MAP4: variants seen among roughly 807,000 people sequenced by gnomAD.
MAP4 encodes the protein microtubule associated protein 4.
MAP4 carries 76 observed loss-of-function variants against 170.2 expected under a neutral mutation model. The observed-to-expected ratio is 0.45, with a 90% CI of 0.37 to 0.54. The LOEUF is 0.54. MAP4 is among the 20% of genes least tolerant of loss of function. The pLI, the probability that MAP4 is intolerant of heterozygous loss-of-function variation, is 0.00. For missense variants in MAP4, 2,506 were observed against 2,748.0 expected, an observed-to-expected ratio of 0.91 and a Z score of 1.97; for synonymous variants, 909 against 994.5, an observed-to-expected ratio of 0.91 and a Z score of 1.62.
intron 1 of MAP4, among the ~76,000 whole-genome samples, chr3:48,047,647 A>C (rs2100125283): frequency 6.6e-6 from 1 of 152,210 alleles, no homozygotes; most frequent in Admixed American, 6.5e-5. Context: ...AGGGAAAGAA[A>C]ACCCAACATC....
At chr3:47,863,377 G>A (rs923916878) in intron 17 of MAP4, among the ~76,000 whole-genome samples, 1 of 152,160 alleles carries the variant, frequency 6.6e-6, no homozygotes, top group Non-Finnish European at 1.5e-5. Flanking sequence ...ATGTGGAGGA[G>A]TCTACAATCT....
intron 3 of MAP4, among the ~76,000 whole-genome samples, chr3:47,955,977 C>G (rs1281508867): frequency 1.3e-5 from 2 of 152,134 alleles, no homozygotes; most frequent in Non-Finnish European, 2.9e-5. Context: ...AATCTATGCC[C>G]TCTTTTGCAG....
At chr3:48,025,799 C>T (rs1402015616) in intron 1 of MAP4, among the ~76,000 whole-genome samples, 2 of 151,534 alleles carry the variant, frequency 1.3e-5, no homozygotes, top group Admixed American at 1.3e-4. Flanking sequence ...ACTCAGGAGG[C>T]TGAGGCAGGA....
chr3:48,043,422 G>A (rs1034728052), intron 1 of MAP4, among the ~76,000 whole-genome samples: 1 of 152,124 alleles, frequency 6.6e-6, no homozygotes, highest in African/African-American at 2.4e-5. Flanking sequence ...CTTTAAGTGG[G>A]TGAATGGTAT....
At chr3:47,926,561 G>T (rs1197938660) in intron 4 of MAP4, among the ~76,000 whole-genome samples, 1 of 152,084 alleles carries the variant, frequency 6.6e-6, no homozygotes, top group African/African-American at 2.4e-5. Context: ...CAGGGACAGG[G>T]TCTTGCTGTA....
At chr3:48,083,784 T>C (rs1244830950) in intron 1 of MAP4, among the ~76,000 whole-genome samples, 1 of 151,626 alleles carries the variant, frequency 6.6e-6, no homozygotes, top group Non-Finnish European at 1.5e-5. Flanking sequence ...TGGAGTGCAG[T>C]GGCGTGATCT....
intron 1 of MAP4, among the ~76,000 whole-genome samples, chr3:48,056,472 C>T (rs868024032): frequency 5.9e-4 from 39 of 65,956 alleles, no homozygotes; most frequent in African/African-American, 2.6e-3. Context: ...CCAGCCGCCC[C>T]GTCCGGGAGG....
At chr3:47,871,624 T>C (rs778257909) in intron 13 of MAP4, among the ~76,000 whole-genome samples, 6 of 152,224 alleles carry the variant, frequency 3.9e-5, no homozygotes, top group Non-Finnish European at 8.8e-5. Context: ...TGCTAGGTGC[T>C]GTGGGTTACT....
Position 48,071,247 on chromosome 3 carries a change from G to C in MAP4, c.-20+17526C>G, listed in dbSNP as rs773150684. Among the ~76,000 whole-genome samples, 7 of 151,942 alleles carry C rather than the reference G, an allele frequency of 4.6e-5. No individual in the cohort carries two copies. In the South Asian group the frequency reaches 1.0e-3, roughly 23 times the overall value. Reference sequence around the variant, plus strand: ...AATAAGTAAGCTTGAGTTTACTCAAGAAGAAATCTGAGGGCCAGGCACGGT... The same window carrying C: ...AATAAGTAAGCTTGAGTTTACTCAACAAGAAATCTGAGGGCCAGGCACGGT... On this transcript the variant is annotated intron_variant, in intron 1 of 18. Transcript: ENST00000360240.
chr3:47,889,151 T>A (rs773883412), intron 10 of MAP4, among the ~76,000 whole-genome samples: 11 of 152,198 alleles, frequency 7.2e-5, no homozygotes, highest in Non-Finnish European at 1.3e-4. Flanking sequence ...GGGAAGAGAA[T>A]GGAGTACATG....
intron 5 of MAP4, 46 bp from the exon 6 acceptor site, chr3:47,918,887 T>C (rs761397937): frequency 1.8e-5 from 27 of 1,533,474 alleles, no homozygotes; most frequent in South Asian, 6.9e-5. Context: ...TTAGTAAACA[T>C]TGGAAACAAA....
At chr3:47,996,023 C>A (rs150706855) in intron 2 of MAP4, among the ~76,000 whole-genome samples, 3 of 152,266 alleles carry the variant, frequency 2.0e-5, no homozygotes, top group East Asian at 1.9e-4. Context: ...AGATGTCTGC[C>A]GCATGCTCAC....
intron 4 of MAP4, among the ~76,000 whole-genome samples, chr3:47,927,158 C>CAA (rs544565652): frequency 0.25 from 25,908 of 105,272 alleles, 2,747 homozygotes; most frequent in Middle Eastern, 0.36. Context: ...GACTCTGTCT[C>CAA]AAAAAAAAAA....
At chr3:47,962,256 TAA>T (rs905595949) in intron 3 of MAP4, among the ~76,000 whole-genome samples, 15 of 152,334 alleles carry the variant, frequency 9.8e-5, no homozygotes, top group Admixed American at 8.5e-4. Flanking sequence ...ACTGGTTCAA[TAA>T]AAGTTTCTTT....
At chr3:48,000,452 C>T (rs1467478764) in intron 1 of MAP4, among the ~76,000 whole-genome samples, 1 of 152,126 alleles carries the variant, frequency 6.6e-6, no homozygotes, top group African/African-American at 2.4e-5. Flanking sequence ...ATGGCCACTA[C>T]TTGTGTTTGT....
chr3:48,035,416 T>G (rs1348736035), intron 1 of MAP4, among the ~76,000 whole-genome samples: 1 of 145,986 alleles, frequency 6.8e-6, no homozygotes, highest in Admixed American at 6.8e-5. Flanking sequence ...GGAGGACTGC[T>G]TCAGCACAGG....
intron 3 of MAP4, among the ~76,000 whole-genome samples, chr3:47,929,966 T>C (rs1171159785): frequency 6.6e-6 from 1 of 151,120 alleles, no homozygotes; most frequent in African/African-American, 2.4e-5. Flanking sequence ...CCATCTCTAC[T>C]AAAAAATACA....
chr3:48,002,702 G>A (rs1248542185), intron 1 of MAP4, among the ~76,000 whole-genome samples: 2 of 152,040 alleles, frequency 1.3e-5, no homozygotes, highest in Non-Finnish European at 2.9e-5. Flanking sequence ...CCAACACGGT[G>A]AAACCCCATT....
chr3:48,063,716 G>A (rs938911186), intron 1 of MAP4, among the ~76,000 whole-genome samples: 1 of 152,042 alleles, frequency 6.6e-6, no homozygotes, highest in Non-Finnish European at 1.5e-5. Context: ...AACCTCAAAT[G>A]CATATTGCTA....
Sources: gnomAD v4.1 joint callset for allele counts (sites outside exome capture counted in the v4.1 genomes callset) on GRCh38, gnomAD v4.1.1 for gene constraint, MANE v1.5 for transcripts, NCBI Gene and HGNC (gene_info 2026-07-23, HGNC 2026-07-21) for gene names.